UBTD2: variants seen among roughly 807,000 people sequenced by gnomAD.
The protein encoded by UBTD2 is ubiquitin domain-containing protein 2.
In UBTD2, 9 loss-of-function variants were observed where a neutral mutation model predicts 19.8. The observed-to-expected ratio is 0.46, with a 90% CI of 0.27 to 0.79. The LOEUF (loss-of-function observed/expected upper bound fraction) is 0.79. UBTD2 is among the 30% of genes least tolerant of loss of function. The probability of loss-of-function intolerance (pLI) is 0.14; values close to 1 mark genes in which losing one functional copy is unlikely to be tolerated. For synonymous variants in UBTD2, 98 were observed against 103.9 expected (o/e 0.94, Z 0.35); for missense variants, 250 against 300.4 (o/e 0.83, Z 1.24).
At chr5:172,278,844 G>A (rs2113142282) in intron 1 of UBTD2, among the ~76,000 whole-genome samples, 1 of 152,160 alleles carries the variant, frequency 6.6e-6, no homozygotes, top group East Asian at 1.9e-4. Context: ...GCGTGATCCT[G>A]GCTCACTGCA....
At chr5:172,237,698 C>A (rs750259061) in intron 1 of UBTD2, among the ~76,000 whole-genome samples, 2 of 152,162 alleles carry the variant, frequency 1.3e-5, no homozygotes, top group Non-Finnish European at 2.9e-5. Context: ...AGCATTTGAA[C>A]TATCCTCTCG....
At chr5:172,259,770 T>C (rs1441424492) in intron 1 of UBTD2, among the ~76,000 whole-genome samples, 2 of 151,986 alleles carry the variant, frequency 1.3e-5, no homozygotes, top group African/African-American at 4.8e-5. Context: ...CAACAGTAAA[T>C]GGGCCAGGCA....
chr5:172,241,160 T>A (rs1772119480), intron 1 of UBTD2, among the ~76,000 whole-genome samples: 1 of 151,906 alleles, frequency 6.6e-6, no homozygotes. Flanking sequence ...ACACCTGTAA[T>A]CTCAGCACTT....
rs1771411769 is a variant in UBTD2, at chr5:172,210,227, ATATATT to A, written c.*1597_*1602del. ...CAGAAACATGATGTTACAATTACAG[ATATATT>A]TAATCAGGCAATAGGAAATTCAATA... is the stretch of plus-strand genomic sequence containing the variant. On this transcript the variant is annotated 3_prime_UTR_variant, in exon 3 of 3. Coordinates refer to ENST00000393792, the MANE Select transcript of UBTD2 (RefSeq NM_152277.3). The A allele has an allele frequency of 6.6e-6, 1 of 152,238 alleles. No homozygotes were observed. Among genetic ancestry groups the A allele is most frequent in the Non-Finnish European group, 1.5e-5 (1 of 68,050 alleles). 9.4% of individuals were successfully genotyped at this position (152,238 alleles called of 1,614,324 possible). A position where few individuals can be genotyped will look rare whatever the true frequency, so the allele number is the denominator to read the frequency against.
At chr5:172,255,047 G>A in intron 1 of UBTD2, 1 of 517,808 alleles carries the variant, frequency 1.9e-6, no homozygotes, top group Non-Finnish European at 3.8e-6. Context: ...CCAGGAGAGG[G>A]CAGCTGCCAT....
chr5:172,272,236 G>A (rs1755504942), intron 1 of UBTD2, among the ~76,000 whole-genome samples: 1 of 152,096 alleles, frequency 6.6e-6, no homozygotes, highest in South Asian at 2.1e-4. Context: ...TCTTGCTGAC[G>A]GCATGTCAAA....
chr5:172,235,458 G>A (rs1771988406), intron 1 of UBTD2, among the ~76,000 whole-genome samples: 1 of 152,150 alleles, frequency 6.6e-6, no homozygotes, highest in Admixed American at 6.5e-5. Context: ...ACAAAGGGTA[G>A]AATCAGTACT....
At chr5:172,221,451 A>T (rs1205167658) in intron 2 of UBTD2, among the ~76,000 whole-genome samples, 2 of 152,170 alleles carry the variant, frequency 1.3e-5, no homozygotes, top group Non-Finnish European at 2.9e-5. Flanking sequence ...GCAGTGAGCT[A>T]TGTCTGGGCC....
chr5:172,248,151 G>T (rs1160142397), intron 1 of UBTD2, among the ~76,000 whole-genome samples: 1 of 152,146 alleles, frequency 6.6e-6, no homozygotes, highest in African/African-American at 2.4e-5. Flanking sequence ...AAACTTATGA[G>T]ATGCAGTGAA....
At chr5:172,278,485 T>A (rs1021972570) in intron 1 of UBTD2, among the ~76,000 whole-genome samples, 1 of 150,600 alleles carries the variant, frequency 6.6e-6, no homozygotes, top group Non-Finnish European at 1.5e-5. Flanking sequence ...CACCATTGCA[T>A]TCCAGCCTAG....
intron 1 of UBTD2, among the ~76,000 whole-genome samples, chr5:172,269,880 G>A (rs912933598): frequency 6.6e-6 from 1 of 151,222 alleles, no homozygotes; most frequent in Non-Finnish European, 1.5e-5. Flanking sequence ...GTTCGAGACC[G>A]GCCTGGCCAA....
chr5:172,254,578 C>T lies in UBTD2; in HGVS notation c.71-20220G>A, dbSNP rs1755100669. 5 of 642,818 alleles carry T rather than the reference C, an allele frequency of 7.8e-6. No homozygotes were observed. The Middle Eastern group carries it at 1.0e-3, about 133-fold the overall frequency. The allele number at this position is 642,818 out of a possible 1,614,324, so 39.8% of individuals were successfully genotyped here. On this transcript the variant is annotated intron_variant, in intron 1 of 2. Transcript: ENST00000393792. The stretch of plus-strand genomic sequence containing the variant: ...TTTTCTGTGTGTCGTCTTCTGTGTG[C>T]TTTCAAGTGGGAGCTTTTAGCGTAC...
In UBTD2 at chr5:172,210,834, T is replaced by C. The variant is rs1471840578; in HGVS notation, c.*996A>G. The C allele has an allele frequency of 6.6e-6, 1 of 152,122 alleles. No individual in the cohort carries two copies. Among genetic ancestry groups the C allele is most frequent in the Non-Finnish European group, 1.5e-5 (1 of 68,028 alleles). The allele number at this position is 152,122 out of a possible 1,614,324, so 9.4% of individuals were successfully genotyped here. On this transcript the variant is annotated 3_prime_UTR_variant, in exon 3 of 3. Coordinates refer to ENST00000393792, the MANE Select transcript of UBTD2 (RefSeq NM_152277.3). ...AATAGGCTTTCCTTACACCCCTCCATGCAAAGTGGAGGAAATCATTTACTT... is the reference window on the plus strand; with the variant it reads ...AATAGGCTTTCCTTACACCCCTCCACGCAAAGTGGAGGAAATCATTTACTT...
intron 1 of UBTD2, among the ~76,000 whole-genome samples, chr5:172,243,127 CTT>C (rs377346393): frequency 9.8e-5 from 13 of 132,628 alleles, no homozygotes; most frequent in African/African-American, 1.1e-4. Context: ...CATGACTGGC[CTT>C]TTTTTTTTTT....
intron 1 of UBTD2, among the ~76,000 whole-genome samples, chr5:172,268,000 C>T (rs1269713061): frequency 6.6e-6 from 1 of 152,198 alleles, no homozygotes. Flanking sequence ...AGAAAGGCTT[C>T]TATTAAGAGC....
At chr5:172,218,799 A>AAAAAAAAAAT (rs1561849259) in intron 2 of UBTD2, among the ~76,000 whole-genome samples, 6 of 59,736 alleles carry the variant, frequency 1.0e-4, no homozygotes, top group African/African-American at 5.5e-4. Context: ...ATAAAAAAAT[A>AAAAAAAAAAT]AAAAAAAAAA....
At chr5:172,224,433 G>T (rs1771720800) in intron 2 of UBTD2, among the ~76,000 whole-genome samples, 1 of 151,468 alleles carries the variant, frequency 6.6e-6, no homozygotes, top group Admixed American at 6.6e-5. Flanking sequence ...TGAGATTACA[G>T]GTATGCACGA....
intron 1 of UBTD2, among the ~76,000 whole-genome samples, chr5:172,278,570 T>A (rs1392652856): frequency 1.3e-5 from 2 of 148,338 alleles, no homozygotes; most frequent in African/African-American, 5.0e-5. Flanking sequence ...TATTTAGCCA[T>A]AAAAAGGATA....
chr5:172,226,569 G>A (rs951140056), intron 2 of UBTD2, among the ~76,000 whole-genome samples: 8 of 152,158 alleles, frequency 5.3e-5, no homozygotes, highest in Non-Finnish European at 1.2e-4. Flanking sequence ...CTCACCAACA[G>A]CAATGTCACA....
Sources: gnomAD v4.1 joint callset for allele counts (sites outside exome capture counted in the v4.1 genomes callset) on GRCh38, gnomAD v4.1.1 for gene constraint, MANE v1.5 for transcripts, NCBI Gene and HGNC (gene_info 2026-07-23, HGNC 2026-07-21) for gene names.